Variants in CORO2B observed in about 807,000 individuals in gnomAD.
The protein encoded by CORO2B is coronin 2B, also known as coronin-2B.
A neutral mutation model predicts 58.8 loss-of-function variants in CORO2B; 26 were observed. The ratio of observed to expected loss-of-function variants is 0.44; its 90% CI spans 0.32 to 0.61. CORO2B has a LOEUF of 0.61. Ranked by LOEUF, CORO2B falls within the 20% of genes least tolerant of loss-of-function variation. The probability of loss-of-function intolerance (pLI) is 0.04; values close to 1 mark genes in which losing one functional copy is unlikely to be tolerated. For synonymous variants in CORO2B, 242 were observed against 253.8 expected (o/e 0.95, Z 0.44); for missense variants, 460 against 645.1 (o/e 0.71, Z 3.11).
chr15:68,602,679 C>G (rs550351717), intron 1 of CORO2B, among the ~76,000 whole-genome samples: 2 of 151,738 alleles, frequency 1.3e-5, no homozygotes, highest in African/African-American at 2.4e-5. Context: ...TTATTGCCCC[C>G]CCTTGAGGTA....
In CORO2B at chr15:68,589,034, T is replaced by G. The variant is rs576642219; in HGVS notation, c.15+9757T>G. Among the ~76,000 whole-genome samples, 5 of 152,334 alleles carry G rather than the reference T, an allele frequency of 3.3e-5. No individual in the cohort carries two copies. In the South Asian group the frequency reaches 1.0e-3, roughly 32 times the overall value. On this transcript the variant is annotated intron_variant, in intron 1 of 11. Transcript: ENST00000261861. ...ATCTTTCTTCTAGAGACCCTGAGTC[T>G]GCCTTCCTGCCTTACTCATTAAAAG...
chr15:68,578,324 C>G (rs926086697), upstream of CORO2B, among the ~76,000 whole-genome samples: 1 of 152,146 alleles, frequency 6.6e-6, no homozygotes, highest in South Asian at 2.1e-4. The surrounding 1 kb of genome is among the most constrained non-coding windows in gnomAD (Gnocchi z 4.2). Flanking sequence ...GGAGGAACGG[C>G]TCGGGCAGGC....
chr15:68,543,700 G>A, the CORO2B span, among the ~76,000 whole-genome samples: 16 of 151,882 alleles, frequency 1.1e-4, no homozygotes, highest in African/African-American at 3.1e-4. Context: ...AACTTCTATC[G>A]ACTCCTATGC....
intron 1 of CORO2B, among the ~76,000 whole-genome samples, chr15:68,644,031 A>AAAAC (rs143065412): frequency 6.6e-6 from 1 of 151,852 alleles, no homozygotes; most frequent in Non-Finnish European, 1.5e-5. Flanking sequence ...CCCCATCTCA[A>AAAAC]AAACAAACAA....
At chr15:68,576,173 A>AAAAAAAAAAAAAAAAAAAAAAAAGAAAG (rs1555409381), upstream of CORO2B, among the ~76,000 whole-genome samples, 2 of 103,842 alleles carry the variant, frequency 1.9e-5, no homozygotes, top group Non-Finnish European at 3.9e-5. Flanking sequence ...AAAAAAAAAA[A>AAAAAAAAAAAAAAAAAAAAAAAAGAAAG]AAAGAAAGAA....
chr15:68,656,915 A>G (rs1901825966), intron 2 of CORO2B, among the ~76,000 whole-genome samples: 1 of 152,164 alleles, frequency 6.6e-6, no homozygotes, highest in Non-Finnish European at 1.5e-5. Flanking sequence ...TTTCAGTGCA[A>G]GTCTGCTGGT....
intron 3 of CORO2B, among the ~76,000 whole-genome samples, chr15:68,702,736 T>C (rs558012502): frequency 1.3e-5 from 2 of 152,038 alleles, no homozygotes; most frequent in East Asian, 3.9e-4. Context: ...TAGATGGAAA[T>C]CTTGGAGCCA....
chr15:68,717,329 T>A (rs1277490547), intron 8 of CORO2B, among the ~76,000 whole-genome samples: 1 of 149,832 alleles, frequency 6.7e-6, no homozygotes, highest in African/African-American at 2.5e-5. Flanking sequence ...AAAAAAAAGA[T>A]TTCTCTGGCT....
rs1268294926 is a variant in CORO2B, at chr15:68,711,648, C to A, written c.590C>A (p.Thr197Asn). 1 of 1,614,090 alleles carries A rather than the reference C, an allele frequency of 6.2e-7. No individual in the cohort carries two copies. Among genetic ancestry groups the A allele is most frequent in the Non-Finnish European group, 8.5e-7 (1 of 1,179,974 alleles). ...AACACGGACGGCAGCCTGCTCACCA[C>A]CACGTGCAAGGACAAGAAGCTGCGT... ...SFNTDGSLLT[T>N]TCKDKKLRVI... The change falls in exon 5 of 12, where the codon ACC becomes AAC. Residue 197 changes from threonine to asparagine, a missense_variant. Coordinates refer to ENST00000261861, the MANE Select transcript of CORO2B (RefSeq NM_006091.5).
intron 8 of CORO2B, 60 bp downstream of exon 8, chr15:68,715,371 C>G (rs2140330618): frequency 8.4e-7 from 1 of 1,187,892 alleles, no homozygotes; most frequent in African/African-American, 1.5e-5. Flanking sequence ...ACATCTGGCC[C>G]ATGGGTCACC....
intron 1 of CORO2B, among the ~76,000 whole-genome samples, chr15:68,605,772 G>A (rs1343027703): frequency 6.7e-6 from 1 of 149,322 alleles, no homozygotes; most frequent in African/African-American, 2.5e-5. Context: ...GCCCAGGCGG[G>A]AGTGCAGTGG....
chr15:68,621,822 T>A (rs942214099), intron 1 of CORO2B, among the ~76,000 whole-genome samples: 3 of 149,824 alleles, frequency 2.0e-5, no homozygotes, highest in Non-Finnish European at 4.4e-5. Flanking sequence ...AGTGGTGCAA[T>A]CATGGGTCAC....
chr15:68,660,976 C>CTTTTTTTTTTTTTTTTTTT (rs57270255), intron 2 of CORO2B, among the ~76,000 whole-genome samples: 2 of 147,220 alleles, frequency 1.4e-5, no homozygotes, highest in Non-Finnish European at 3.0e-5. Context: ...TGTAATGAGT[C>CTTTTTTTTTTTTTTTTTTT]TTTTTTTTTT....
At chr15:68,561,464 C>G in the CORO2B span, among the ~76,000 whole-genome samples, 1 of 152,208 alleles carries the variant, frequency 6.6e-6, no homozygotes, top group Non-Finnish European at 1.5e-5. Context: ...GCGCCTTCCC[C>G]TTCCAGCTAA....
the CORO2B span, among the ~76,000 whole-genome samples, chr15:68,543,610 G>T: frequency 6.6e-6 from 1 of 152,052 alleles, no homozygotes; most frequent in Non-Finnish European, 1.5e-5. Flanking sequence ...ATTTCCCAGG[G>T]GCAGAGTCCA....
In CORO2B at chr15:68,579,230, G is replaced by A. The variant is rs1489355868; in HGVS notation, c.-33G>A. ...CGCCGCCGCCGCCCCCGCACGCCGC[G>A]CCCGCGCCCCCGCTCCGCCGCGGAG... On this transcript the variant is annotated 5_prime_UTR_variant, in exon 1 of 12. Transcript: ENST00000261861. The A allele has an allele frequency of 8.1e-6, 9 of 1,112,700 alleles. No homozygotes were observed. Among genetic ancestry groups the A allele is most frequent in the African/African-American group, 3.4e-5 (2 of 59,478 alleles). 68.9% of individuals were successfully genotyped at this position (1,112,700 alleles called of 1,614,324 possible). A position where few individuals can be genotyped will look rare whatever the true frequency, so the allele number is the denominator to read the frequency against.
the CORO2B span, among the ~76,000 whole-genome samples, chr15:68,550,904 C>T: frequency 1.3e-5 from 2 of 152,204 alleles, no homozygotes; most frequent in Non-Finnish European, 2.9e-5. Flanking sequence ...CCACCTGCCT[C>T]CCAGAGGGGG....
rs187264942 is a variant in CORO2B, at chr15:68,684,410, T to C, written c.217-10730T>C. 1.6e-4 allele frequency among the ~76,000 whole-genome samples: 24 copies of C among 152,202 alleles called. No individual in the cohort carries two copies. In the East Asian group the frequency reaches 3.1e-3, roughly 20 times the overall value. On this transcript the variant is annotated intron_variant, in intron 2 of 11. Transcript: ENST00000261861. Reference sequence around the variant, plus strand: ...GGGACATGAGACAAGTAAGTCTTGATTGGGATGGAGGGAGAGAAAGAACAC... The same window carrying C: ...GGGACATGAGACAAGTAAGTCTTGACTGGGATGGAGGGAGAGAAAGAACAC...
rs1892878856 is a variant in CORO2B at position 68,710,082 on chromosome 15, C to G, written c.334-650C>G. 6.6e-6 allele frequency among the ~76,000 whole-genome samples: 1 copy of G among 152,238 alleles called. No homozygotes were observed. The highest frequency in any genetic ancestry group is 2.1e-4 in the South Asian group (1 of 4,832). ...CTCTCTGCATGTCCCATCCTCCTCT[C>G]TGCAGATCATCTTTTTCTGCTTCTT... On this transcript the variant is annotated intron_variant, in intron 3 of 11. Transcript: ENST00000261861. This position sits in a 1 kb window ranked among gnomAD's most constrained non-coding sequence, Gnocchi z 4.1.
Sources: gnomAD v4.1 joint callset for allele counts (sites outside exome capture counted in the v4.1 genomes callset) on GRCh38, gnomAD v4.1.1 for gene constraint, Gnocchi (gnomAD v3.1) non-coding constraint, MANE v1.5 for transcripts, NCBI Gene and HGNC (gene_info 2026-07-23, HGNC 2026-07-21) for gene names.